TTC23: variants seen among roughly 807,000 people sequenced by gnomAD.
The protein encoded by TTC23 is tetratricopeptide repeat domain 23, also known as tetratricopeptide repeat protein 23.
In TTC23, 58 loss-of-function variants were observed where a neutral mutation model predicts 55.1. The observed-to-expected ratio is 1.05, with a 90% CI of 0.85 to 1.31. TTC23 has a LOEUF of 1.31. TTC23 is among the 50% of genes most tolerant of loss of function. The pLI is 0.00. For missense variants in TTC23, 516 were observed against 534.4 expected (o/e 0.97, Z 0.34); for synonymous variants, 203 against 199.9 (o/e 1.02, Z -0.13).
intron 12 of TTC23, among the ~76,000 whole-genome samples, chr15:99,143,221 T>G (rs797033089): frequency 2.0e-5 from 3 of 152,374 alleles, no homozygotes; most frequent in African/African-American, 7.2e-5. Context: ...ATTATGGACT[T>G]CTACTAGAAA....
chr15:99,177,683 T>C (rs2073723204), intron 9 of TTC23, among the ~76,000 whole-genome samples: 1 of 152,258 alleles, frequency 6.6e-6, no homozygotes, highest in South Asian at 2.1e-4. Context: ...TATAGTATTT[T>C]AGATTAAAAC....
At chr15:99,144,439 C>T (rs1325813991) in intron 12 of TTC23, 2 of 152,196 alleles carry the variant, frequency 1.3e-5, no homozygotes, top group Non-Finnish European at 2.9e-5. Context: ...AAATGTGCAG[C>T]TGTTACTCAG....
chr15:99,154,452 C>T (rs2070272532), intron 12 of TTC23, among the ~76,000 whole-genome samples: 2 of 152,072 alleles, frequency 1.3e-5, no homozygotes, highest in Admixed American at 1.3e-4. Flanking sequence ...TAGATTAATG[C>T]TGTTATCTTG....
chr15:99,193,109 TTTTTGACTTTACAGGC>T, intron 9 of TTC23, among the ~76,000 whole-genome samples: 1 of 152,332 alleles, frequency 6.6e-6, no homozygotes, highest in South Asian at 2.1e-4. Flanking sequence ...AACCACTTGC[TTTTTGACTTTACAGGC>T]TCATAGGCAG....
At chr15:99,138,317 T>A (rs1191433523) in intron 13 of TTC23, among the ~76,000 whole-genome samples, 190 bp from the exon 14 acceptor site, 2 of 151,968 alleles carry the variant, frequency 1.3e-5, no homozygotes, top group African/African-American at 2.4e-5. Context: ...TTTATTTTTT[T>A]AATTTTTTTT....
At chr15:99,241,964 G>A (rs568803578) in intron 2 of TTC23, among the ~76,000 whole-genome samples, 10 of 152,180 alleles carry the variant, frequency 6.6e-5, no homozygotes, top group South Asian at 2.1e-4. Context: ...TCAAAACCCC[G>A]TCTCCACTAA....
intron 6 of TTC23, among the ~76,000 whole-genome samples, chr15:99,219,579 G>A (rs2077743582): frequency 6.6e-6 from 1 of 152,088 alleles, no homozygotes; most frequent in Non-Finnish European, 1.5e-5. Context: ...AGATTAATGT[G>A]TGACAATTTC....
At chr15:99,233,540 T>C (rs1178182294) in intron 4 of TTC23, among the ~76,000 whole-genome samples, 1 of 152,204 alleles carries the variant, frequency 6.6e-6, no homozygotes, top group Non-Finnish European at 1.5e-5. Context: ...ATCTAATATC[T>C]AATATCTATT....
intron 12 of TTC23, among the ~76,000 whole-genome samples, chr15:99,142,449 G>T (rs958897563): frequency 6.6e-6 from 1 of 152,184 alleles, no homozygotes; most frequent in Non-Finnish European, 1.5e-5. Context: ...ATATTTATGA[G>T]TGCCTCTGAT....
chr15:99,218,527 G>T, intron 8 of TTC23, 61 bp downstream of exon 8: 1 of 1,606,488 alleles, frequency 6.2e-7, no homozygotes. Context: ...ACCTGAGACA[G>T]ATTCTACAGG....
At chr15:99,200,798 T>C (rs147934066) in intron 8 of TTC23, among the ~76,000 whole-genome samples, 2 of 152,336 alleles carry the variant, frequency 1.3e-5, no homozygotes, top group East Asian at 1.9e-4. Flanking sequence ...TTCTCTATAA[T>C]GGTGGAAAAG....
At chr15:99,145,123 G>C (rs2068681781) in intron 12 of TTC23, 1 of 152,206 alleles carries the variant, frequency 6.6e-6, no homozygotes, top group South Asian at 2.1e-4. Flanking sequence ...AACACAGTCA[G>C]GGGTAGTGGG....
intron 10 of TTC23, among the ~76,000 whole-genome samples, chr15:99,169,576 AC>A (rs755632169): frequency 5.3e-5 from 8 of 152,100 alleles, no homozygotes; most frequent in Non-Finnish European, 1.2e-4. Context: ...AGCATCAGTA[AC>A]CCAGTGAGCA....
chr15:99,137,106 C>G lies in TTC23; in HGVS notation c.*904G>C, dbSNP rs1387677426. The stretch of plus-strand genomic sequence containing the variant: ...GACATCACTGCCCACACCTGCACCC[C>G]TACCCCTGGGTGTTCCATCCACCTC... On this transcript the variant is annotated 3_prime_UTR_variant, in exon 14 of 14. Coordinates refer to ENST00000394132, the MANE Select transcript of TTC23 (RefSeq NM_001288615.3). 5.3e-5 allele frequency: 8 copies of G among 152,360 alleles called. No homozygotes were observed. Among genetic ancestry groups the G allele is most frequent in the African/African-American group, 1.9e-4 (8 of 41,460 alleles). 9.4% of individuals were successfully genotyped at this position (152,360 alleles called of 1,614,324 possible).
At chr15:99,148,903 T>C (rs1477649358) in intron 12 of TTC23, among the ~76,000 whole-genome samples, 1 of 152,228 alleles carries the variant, frequency 6.6e-6, no homozygotes, top group Admixed American at 6.5e-5. Flanking sequence ...TCCTGCTGTG[T>C]GTGTGCCTTG....
chr15:99,221,640 A>T, intron 6 of TTC23, 101 bp downstream of exon 6: 1 of 1,440,984 alleles, frequency 6.9e-7, no homozygotes, highest in Non-Finnish European at 9.4e-7. Flanking sequence ...TAGAAAGGAG[A>T]ATATTAAAAA....
chr15:99,244,423 C>G (rs570871511), intron 2 of TTC23, among the ~76,000 whole-genome samples: 57 of 152,176 alleles, frequency 3.7e-4, no homozygotes, highest in Middle Eastern at 3.4e-3. Context: ...TCGCCCCCCC[C>G]AATTAGAACG....
intron 3 of TTC23, among the ~76,000 whole-genome samples, chr15:99,237,643 T>A (rs2665084): frequency 0.021 from 3,146 of 152,166 alleles, 98 homozygotes; most frequent in African/African-American, 0.072. Flanking sequence ...GGGCTAAGGA[T>A]GTGGTATGAC....
chr15:99,230,433 T>C (rs1169219793), intron 4 of TTC23, among the ~76,000 whole-genome samples: 1 of 152,118 alleles, frequency 6.6e-6, no homozygotes, highest in African/African-American at 2.4e-5. Flanking sequence ...ACAGAAAACA[T>C]ATTTGAAGAA....
Sources: gnomAD v4.1 joint callset for allele counts (sites outside exome capture counted in the v4.1 genomes callset) on GRCh38, gnomAD v4.1.1 for gene constraint, MANE v1.5 for transcripts, NCBI Gene and HGNC (gene_info 2026-07-23, HGNC 2026-07-21) for gene names.